Variants in UGDH observed in about 807,000 individuals in gnomAD.
The protein encoded by UGDH is UDP-Glc dehydrogenase.
In UGDH, 38 loss-of-function variants were observed where a neutral mutation model predicts 50.6. The observed-to-expected ratio is 0.75, with a 90% CI of 0.58 to 0.98. The LOEUF is 0.98. Among genes scored for constraint, UGDH ranks in the 50% least tolerant of loss-of-function variants. The pLI is 0.00. For missense variants in UGDH, 465 were observed against 606.2 expected, an observed-to-expected ratio of 0.77 and a Z score of 2.45; for synonymous variants, 168 against 199.9, an observed-to-expected ratio of 0.84 and a Z score of 1.35.
chr4:39,508,684 A>G, intron 6 of UGDH, 24 bp from the exon 7 acceptor site: 1 of 1,575,936 alleles, frequency 6.3e-7, no homozygotes, highest in Non-Finnish European at 8.6e-7. Context: ...AAAATGAACA[A>G]TATTTTCATG....
intron 2 of UGDH, among the ~76,000 whole-genome samples, chr4:39,515,158 A>T (rs1400307318): frequency 6.6e-6 from 1 of 152,192 alleles, no homozygotes; most frequent in African/African-American, 2.4e-5. Context: ...CACTTAAGTA[A>T]ATAAAGTAAA....
intron 2 of UGDH, among the ~76,000 whole-genome samples, chr4:39,515,492 T>G (rs1746406519): frequency 9.3e-6 from 1 of 107,934 alleles, no homozygotes; most frequent in Admixed American, 9.3e-5. Context: ...CAAGGAACCC[T>G]TTTATTTAAA....
chr4:39,502,042 C>G (rs916883209), intron 11 of UGDH, among the ~76,000 whole-genome samples: 1 of 152,012 alleles, frequency 6.6e-6, no homozygotes, highest in East Asian at 1.9e-4. Context: ...GATTCCATTC[C>G]TGTTTTTTTT....
intron 3 of UGDH, among the ~76,000 whole-genome samples, chr4:39,511,391 A>C (rs1578271204): frequency 6.7e-6 from 1 of 149,896 alleles, no homozygotes; most frequent in Non-Finnish European, 1.5e-5. Flanking sequence ...CTCCCAAGTA[A>C]CTGGGACTAC....
intron 7 of UGDH, among the ~76,000 whole-genome samples, chr4:39,506,309 A>G (rs1477185738): frequency 6.6e-6 from 1 of 151,998 alleles, no homozygotes; most frequent in Non-Finnish European, 1.5e-5. Context: ...GCTAGGATGG[A>G]TGCCAAAAGT....
In UGDH at chr4:39,510,414, T is replaced by G; in HGVS notation, c.602A>C (p.His201Pro). The G allele has an allele frequency of 6.8e-6, 11 of 1,614,236 alleles. No individual in the cohort carries two copies. Among genetic ancestry groups the G allele is most frequent in the Non-Finnish European group, 7.6e-6 (9 of 1,180,050 alleles). ...AVQALCAVYE[H>P]WVPREKILTT... ...GAGGATCTTTTCTCTGGGAACCCAG[T>G]GCTCATATACAGCACACAGGGCCTG... The change falls in exon 5 of 12, where the codon CAC (histidine) becomes CCC (proline). Residue 201 changes from histidine (H) to proline (P), a missense_variant. Transcript: ENST00000316423.
Position 39,508,679 on chromosome 4 carries a change from GAAC to G in UGDH, c.812-22_812-20del. 6.3e-7 allele frequency: 1 copy of G among 1,577,908 alleles called. No homozygotes were observed. Among genetic ancestry groups the G allele is most frequent in the East Asian group, 2.3e-5 (1 of 42,680 alleles). On this transcript the variant is annotated intron_variant, in intron 6 of 11. Transcript: ENST00000316423. ...CCAAACCCTGCAGAAAGAAAAAAAT[GAAC>G]AATATTTTCATGTAAGAACGAGAAA...
At chr4:39,522,876 C>T (rs908880750) in intron 1 of UGDH, among the ~76,000 whole-genome samples, 1 of 151,704 alleles carries the variant, frequency 6.6e-6, no homozygotes, top group African/African-American at 2.4e-5. Context: ...AGTTCTCCTG[C>T]CTCAGCCTAA....
chr4:39,502,807 C>T lies in UGDH; in HGVS notation c.1374+1068G>A, dbSNP rs1214643076. 1.5e-3 allele frequency among the ~76,000 whole-genome samples: 232 copies of T among 151,664 alleles called. 1 individual carries two copies. Among genetic ancestry groups the T allele is most frequent in the African/African-American group, 5.5e-3 (226 of 41,256 alleles). ...TGTCACCCAGGCTGGCATGCAATGGCATGATCTCAGCTCATTACAACCTCT... is the reference window on the plus strand; with the variant it reads ...TGTCACCCAGGCTGGCATGCAATGGTATGATCTCAGCTCATTACAACCTCT... On this transcript the variant is annotated intron_variant, in intron 11 of 11. Coordinates refer to ENST00000316423, the MANE Select transcript of UGDH (RefSeq NM_003359.4).
At chr4:39,501,714 C>A (rs1358776766) in intron 11 of UGDH, among the ~76,000 whole-genome samples, 1 of 152,152 alleles carries the variant, frequency 6.6e-6, no homozygotes, top group Non-Finnish European at 1.5e-5. Context: ...CTCAAAGGGT[C>A]GTGGTAAGTA....
chr4:39,515,271 T>G (rs770272848), intron 2 of UGDH, among the ~76,000 whole-genome samples: 2 of 152,226 alleles, frequency 1.3e-5, no homozygotes, highest in Non-Finnish European at 2.9e-5. Flanking sequence ...CCATTAACTA[T>G]GAGTATCAAC....
Position 39,527,366 on chromosome 4 carries a change from T to C in UGDH, c.-91A>G. ...TCCTACGGGCCGCGCCGCCGCAGCT[T>C]CTCCACCCGCGCCCCGCTCGATCTG... is the stretch of plus-strand genomic sequence containing the variant. On this transcript the variant is annotated 5_prime_UTR_variant, in exon 1 of 12. Transcript: ENST00000316423. 4.3e-6 allele frequency: 1 copy of C among 234,304 alleles called. No individual in the cohort carries two copies. Among genetic ancestry groups the C allele is most frequent in the Non-Finnish European group, 8.8e-6 (1 of 113,702 alleles). The allele number at this position is 234,304 out of a possible 1,614,324, so 14.5% of individuals were successfully genotyped here.
intron 2 of UGDH, among the ~76,000 whole-genome samples, chr4:39,518,859 A>G (rs1746534688): frequency 6.6e-6 from 1 of 152,178 alleles, no homozygotes; most frequent in South Asian, 2.1e-4. Context: ...ATTGCTAAAC[A>G]CTTGGTATTG....
rs748566061 is a variant in UGDH, at chr4:39,521,551, T to C, written c.-7-32A>G. On this transcript the variant is annotated intron_variant, in intron 1 of 11. Coordinates refer to ENST00000316423, the MANE Select transcript of UGDH (RefSeq NM_003359.4). ...GGAAAACAGTAAGACTGTTCTAGTATTGAAAACAGAAAATTTAAAGAAATA... is the reference window on the plus strand; with the variant it reads ...GGAAAACAGTAAGACTGTTCTAGTACTGAAAACAGAAAATTTAAAGAAATA... 2.7e-6 allele frequency: 4 copies of C among 1,458,310 alleles called. No individual in the cohort carries two copies. The African/African-American group carries it at 4.3e-5, about 16-fold the overall frequency. 90.3% of individuals were successfully genotyped at this position (1,458,310 alleles called of 1,614,324 possible). A position where few individuals can be genotyped will look rare whatever the true frequency, so the allele number is the denominator to read the frequency against.
intron 10 of UGDH, 89 bp downstream of exon 10, chr4:39,504,328 A>C: frequency 7.8e-7 from 1 of 1,274,530 alleles, no homozygotes; most frequent in Non-Finnish European, 1.1e-6. Flanking sequence ...ACAAAAAAAC[A>C]AAAAAACACA....
At chr4:39,507,600 G>A (rs1268419591) in intron 7 of UGDH, among the ~76,000 whole-genome samples, 2 of 152,200 alleles carry the variant, frequency 1.3e-5, no homozygotes, top group Non-Finnish European at 2.9e-5. Flanking sequence ...CACCATGCCC[G>A]ACCAACGTTA....
At chr4:39,508,030 T>C (rs1397246378) in intron 7 of UGDH, among the ~76,000 whole-genome samples, 1 of 152,006 alleles carries the variant, frequency 6.6e-6, no homozygotes, top group Non-Finnish European at 1.5e-5. Flanking sequence ...AATACTGGCT[T>C]ATCACAAACT....
chr4:39,525,804 C>T (rs576178688), intron 1 of UGDH, among the ~76,000 whole-genome samples: 8 of 152,334 alleles, frequency 5.3e-5, no homozygotes, highest in Middle Eastern at 3.4e-3. Flanking sequence ...CCACCACGCC[C>T]GGCCCCCATT....
chr4:39,518,702 C>A (rs1474841650), intron 2 of UGDH, among the ~76,000 whole-genome samples: 1 of 151,768 alleles, frequency 6.6e-6, no homozygotes, highest in Non-Finnish European at 1.5e-5. Context: ...TCAAGCAATC[C>A]TCTCGCCCGG....
Sources: allele counts gnomAD v4.1 joint callset (sites outside exome capture counted in the v4.1 genomes callset), GRCh38; gene constraint gnomAD v4.1.1; transcripts MANE v1.5; gene names NCBI Gene and HGNC (gene_info 2026-07-23, HGNC 2026-07-21).